Variants in ARHGEF10L observed in about 807,000 individuals in gnomAD.
ARHGEF10L encodes the protein rho guanine nucleotide exchange factor 10-like protein.
A neutral mutation model predicts 141.2 loss-of-function variants in ARHGEF10L; 69 were observed. That is an observed-to-expected ratio of 0.49 (90% confidence interval 0.40 to 0.60). The LOEUF (loss-of-function observed/expected upper bound fraction) is 0.60. ARHGEF10L is among the 20% of genes least tolerant of loss of function. The pLI is 0.00. For synonymous variants in ARHGEF10L, 711 were observed against 718.5 expected, an observed-to-expected ratio of 0.99 and a Z score of 0.17; for missense variants, 1,482 against 1,734.3, an observed-to-expected ratio of 0.85 and a Z score of 2.58.
chr1:17,565,301 G>A (rs2077706653), intron 1 of ARHGEF10L, among the ~76,000 whole-genome samples: 1 of 152,182 alleles, frequency 6.6e-6, no homozygotes, highest in Admixed American at 6.5e-5. Context: ...GGAATTTTAG[G>A]GGGATAAAAA....
chr1:17,682,007 C>T (rs1000147340), intron 26 of ARHGEF10L, among the ~76,000 whole-genome samples: 4 of 151,868 alleles, frequency 2.6e-5, no homozygotes, highest in African/African-American at 4.8e-5. Context: ...AAAAATCCAG[C>T]GTGCTCTAAT....
At chr1:17,675,121 GC>G (rs1302928678) in intron 26 of ARHGEF10L, among the ~76,000 whole-genome samples, 1 of 152,118 alleles carries the variant, frequency 6.6e-6, no homozygotes, top group East Asian at 1.9e-4. Flanking sequence ...CCCCTCCCCA[GC>G]CCTACCTGTT....
chr1:17,675,028 T>C (rs997771739), intron 26 of ARHGEF10L, among the ~76,000 whole-genome samples: 2 of 152,194 alleles, frequency 1.3e-5, no homozygotes, highest in Admixed American at 1.3e-4. Context: ...TATAAGTTCT[T>C]GACTGTGGCT....
intron 1 of ARHGEF10L, among the ~76,000 whole-genome samples, chr1:17,542,718 C>T (rs1471773473): frequency 6.6e-6 from 1 of 152,194 alleles, no homozygotes; most frequent in Non-Finnish European, 1.5e-5. Context: ...GTTTTGACAA[C>T]ACCCTAGTAG....
intron 26 of ARHGEF10L, among the ~76,000 whole-genome samples, chr1:17,680,463 AC>A (rs1164390178): frequency 2.0e-5 from 3 of 152,188 alleles, no homozygotes; most frequent in African/African-American, 4.8e-5. Flanking sequence ...GAGCAGTATC[AC>A]CCACCTGAAA....
intron 25 of ARHGEF10L, among the ~76,000 whole-genome samples, chr1:17,660,085 G>A (rs2062520229): frequency 6.6e-6 from 1 of 152,224 alleles, no homozygotes. Flanking sequence ...GTGCCCCTGA[G>A]GTGTCAGGCA....
intron 22 of ARHGEF10L, among the ~76,000 whole-genome samples, chr1:17,649,698 G>A (rs867493342): frequency 3.3e-5 from 5 of 152,196 alleles, no homozygotes; most frequent in African/African-American, 9.7e-5. Flanking sequence ...AAAGGAAATA[G>A]AAAAGAGTGA....
chr1:17,636,346 C>T (rs1056907335), intron 18 of ARHGEF10L, among the ~76,000 whole-genome samples: 1 of 152,192 alleles, frequency 6.6e-6, no homozygotes, highest in Non-Finnish European at 1.5e-5. Context: ...GCAAAACTCC[C>T]TGTAATCAAC....
intron 28 of ARHGEF10L, among the ~76,000 whole-genome samples, 190 bp from the exon 29 acceptor site, chr1:17,696,658 C>T (rs1029952217): frequency 5.3e-5 from 8 of 152,138 alleles, no homozygotes; most frequent in African/African-American, 1.4e-4. Flanking sequence ...GTTTCTGTTC[C>T]ACTCCCCTGA....
chr1:17,683,973 A>G (rs1416491125), intron 26 of ARHGEF10L, among the ~76,000 whole-genome samples: 4 of 152,170 alleles, frequency 2.6e-5, no homozygotes, highest in African/African-American at 9.7e-5. Flanking sequence ...GGCTGGCTGC[A>G]CGCGTGTGAG....
At position 17,687,095 on chromosome 1, in the gene ARHGEF10L, G is replaced by A. The variant is rs1481440363; in HGVS notation, c.3010-478G>A. 3.3e-5 allele frequency among the ~76,000 whole-genome samples: 5 copies of A among 152,078 alleles called. No individual in the cohort carries two copies. The South Asian group carries it at 6.2e-4, about 19-fold the overall frequency. The stretch of plus-strand genomic sequence containing the variant: ...CCCATATTACCCCCGTTCCTTCCCC[G>A]GTCATTCTCTCGGTTGCCTTTGTCA... On this transcript the variant is annotated intron_variant, in intron 26 of 28. Transcript: ENST00000361221.
In ARHGEF10L at chr1:17,639,925, C is replaced by G; in HGVS notation, c.2172-277C>G. 6.8e-7 allele frequency: 1 copy of G among 1,464,944 alleles called. No homozygotes were observed. The highest frequency in any genetic ancestry group is 1.2e-5 in the South Asian group (1 of 82,536). The allele number at this position is 1,464,944 out of a possible 1,614,324, so 90.7% of individuals were successfully genotyped here. ...CAGCCTGCAGAGGCTCTGCCGGGCACAAAGCCAGAGGCTCCTGGAGCCAGG... is the reference window on the plus strand; with the variant it reads ...CAGCCTGCAGAGGCTCTGCCGGGCAGAAAGCCAGAGGCTCCTGGAGCCAGG... On this transcript the variant is annotated intron_variant, in intron 20 of 28. Transcript: ENST00000361221. The surrounding 1 kb of genome is among the most constrained non-coding windows in gnomAD (Gnocchi z 4.3).
chr1:17,641,327 T>C (rs1425156208), intron 21 of ARHGEF10L, among the ~76,000 whole-genome samples: 1 of 152,176 alleles, frequency 6.6e-6, no homozygotes, highest in Non-Finnish European at 1.5e-5. Flanking sequence ...ACATTTTCAA[T>C]AGGTTTTAAC....
Position 17,697,553 on chromosome 1 carries a change from T to C in ARHGEF10L, c.*173T>C. ...TAAAAAAATTTTTTTCAGAGTGTTT[T>C]GGGGAGGAGTTTTAGGGCTTGGGGA... On this transcript the variant is annotated 3_prime_UTR_variant, in exon 29 of 29. Coordinates refer to ENST00000361221, the MANE Select transcript of ARHGEF10L (RefSeq NM_018125.4). This position sits in a 1 kb window ranked among gnomAD's most constrained non-coding sequence, Gnocchi z 4.8. The C allele has an allele frequency of 1.1e-6, 1 of 876,158 alleles. No homozygotes were observed. The highest frequency in any genetic ancestry group is 1.7e-6 in the Non-Finnish European group (1 of 575,158). 54.3% of individuals were successfully genotyped at this position (876,158 alleles called of 1,614,324 possible).
At chr1:17,684,947 C>G (rs1472924868) in intron 26 of ARHGEF10L, among the ~76,000 whole-genome samples, 1 of 152,164 alleles carries the variant, frequency 6.6e-6, no homozygotes, top group African/African-American at 2.4e-5. Context: ...TTGGACAGCT[C>G]ACAGTCTTGC....
intron 1 of ARHGEF10L, among the ~76,000 whole-genome samples, chr1:17,574,209 G>A (rs577184251): frequency 6.6e-6 from 1 of 152,304 alleles, no homozygotes; most frequent in East Asian, 1.9e-4. Context: ...CTCCGTAGCT[G>A]TGTGGCCTTG....
upstream of ARHGEF10L, among the ~76,000 whole-genome samples, chr1:17,535,943 C>T (rs2076570281): frequency 6.6e-6 from 1 of 152,170 alleles, no homozygotes; most frequent in African/African-American, 2.4e-5. Context: ...AGACATGGGG[C>T]AAACATGCCA....
At chr1:17,686,907 C>T (rs1045837968) in intron 26 of ARHGEF10L, among the ~76,000 whole-genome samples, 3 of 151,540 alleles carry the variant, frequency 2.0e-5, no homozygotes, top group African/African-American at 4.8e-5. Flanking sequence ...CCACACTCCA[C>T]ATCTCAGTCC....
chr1:17,588,364 G>A, intron 3 of ARHGEF10L, 82 bp from the exon 4 acceptor site: 1 of 1,527,636 alleles, frequency 6.5e-7, no homozygotes, highest in Non-Finnish European at 9.0e-7. Context: ...CCCTGGGGAG[G>A]CTGGGAAAGG....
Sources: allele counts gnomAD v4.1 joint callset (sites outside exome capture counted in the v4.1 genomes callset), GRCh38; gene constraint gnomAD v4.1.1; non-coding constraint Gnocchi (gnomAD v3.1); transcripts MANE v1.5; gene names NCBI Gene and HGNC (gene_info 2026-07-23, HGNC 2026-07-21).